Variants in CYRIB observed in about 807,000 individuals in gnomAD.
CYRIB encodes the protein CYFIP-related Rac1 interactor B.
In CYRIB, 8 loss-of-function variants were observed where a neutral mutation model predicts 44.2. That is an observed-to-expected ratio of 0.18 (90% CI 0.11 to 0.33). The LOEUF is 0.33. Ranked by LOEUF, CYRIB falls within the 10% of genes least tolerant of loss-of-function variation. The pLI, the probability that CYRIB is intolerant of heterozygous loss-of-function variation, is 1.00. For synonymous variants in CYRIB, 131 were observed against 127.2 expected (o/e 1.03, Z -0.20); for missense variants, 185 against 382.8 (o/e 0.48, Z 4.31).
At chr8:129,949,344 C>T (rs983151439) in intron 2 of CYRIB, 2 of 152,142 alleles carry the variant, frequency 1.3e-5, no homozygotes, top group African/African-American at 4.8e-5. Context: ...ATCCTTACAA[C>T]ATTATGAAAG....
intron 1 of CYRIB, among the ~76,000 whole-genome samples, chr8:129,908,521 T>C (rs2076552472): frequency 6.6e-6 from 1 of 152,182 alleles, no homozygotes; most frequent in Non-Finnish European, 1.5e-5. Context: ...TATGCATCCT[T>C]TTCCTTTGTA....
At chr8:129,928,340 A>C (rs1356318086) in intron 1 of CYRIB, among the ~76,000 whole-genome samples, 1 of 151,496 alleles carries the variant, frequency 6.6e-6, no homozygotes, top group Admixed American at 6.6e-5. Flanking sequence ...AAAAAAAAAA[A>C]CACCATTAAG....
At position 129,885,857 on chromosome 8, in the gene CYRIB, A is replaced by T. The variant is rs181707517; in HGVS notation, c.-10-6386T>A. Among the ~76,000 whole-genome samples, 69 of 152,242 alleles carry T rather than the reference A, an allele frequency of 4.5e-4. No homozygotes were observed. In the South Asian group the frequency reaches 9.9e-3, roughly 22 times the overall value. On this transcript the variant is annotated intron_variant, in intron 2 of 11. Transcript: ENST00000519824. ...CATGATCTCTTAAAAAAAAAAGAAG[A>T]AGAAAACCACAAAAACCCAACAACC...
At chr8:129,894,733 T>A (rs193114289) in intron 2 of CYRIB, among the ~76,000 whole-genome samples, 1 of 152,092 alleles carries the variant, frequency 6.6e-6, no homozygotes, top group African/African-American at 2.4e-5. Context: ...AGCAGCATCA[T>A]AATTTCTTAT....
intron 1 of CYRIB, among the ~76,000 whole-genome samples, chr8:129,912,993 G>A (rs1476586429): frequency 5.4e-5 from 6 of 111,670 alleles, no homozygotes; most frequent in African/African-American, 9.9e-5. Context: ...TTTTTTTTGA[G>A]ACGGAGACTG....
At chr8:130,006,160 G>C (rs1177854601) in intron 1 of CYRIB, among the ~76,000 whole-genome samples, 1 of 151,630 alleles carries the variant, frequency 6.6e-6, no homozygotes, top group Non-Finnish European at 1.5e-5. Flanking sequence ...AAAATTAGCC[G>C]GGCATGGTGG....
At chr8:129,911,070 T>C (rs1278164872) in intron 1 of CYRIB, among the ~76,000 whole-genome samples, 2 of 152,214 alleles carry the variant, frequency 1.3e-5, no homozygotes, top group Non-Finnish European at 2.9e-5. Context: ...AGGAAATAAC[T>C]ATCAAATCTG....
At chr8:129,861,989 T>C (rs1421982545) in intron 5 of CYRIB, among the ~76,000 whole-genome samples, 1 of 152,154 alleles carries the variant, frequency 6.6e-6, no homozygotes, top group Non-Finnish European at 1.5e-5. Context: ...CTCAGATTCA[T>C]GTATGTAAAA....
chr8:129,848,819 G>A (rs963692011), intron 10 of CYRIB, among the ~76,000 whole-genome samples: 1 of 151,284 alleles, frequency 6.6e-6, no homozygotes, highest in Non-Finnish European at 1.5e-5. Context: ...TGATCCTCCT[G>A]CTTCAGCCTG....
chr8:129,843,617 G>C (rs1185354809), intron 11 of CYRIB, among the ~76,000 whole-genome samples: 2 of 152,170 alleles, frequency 1.3e-5, no homozygotes, highest in Admixed American at 1.3e-4. Context: ...ACCCCGGTTG[G>C]CCTTCAATTC....
intron 2 of CYRIB, among the ~76,000 whole-genome samples, chr8:129,961,273 T>A: frequency 6.6e-6 from 1 of 152,172 alleles, no homozygotes; most frequent in East Asian, 1.9e-4. Context: ...CTTCATTCCA[T>A]GGGTTCTGCT....
intron 2 of CYRIB, among the ~76,000 whole-genome samples, chr8:129,955,729 T>G (rs561489548): frequency 1.3e-5 from 2 of 152,304 alleles, no homozygotes; most frequent in South Asian, 4.1e-4. Context: ...TCTGATTCCT[T>G]GAGACACATA....
chr8:129,938,015 T>C (rs921864122), intron 1 of CYRIB, among the ~76,000 whole-genome samples: 2 of 151,984 alleles, frequency 1.3e-5, no homozygotes, highest in African/African-American at 4.8e-5. Context: ...TGTTAGAAAA[T>C]GCTGCCATAA....
At chr8:130,007,946 C>G (rs540480189) in intron 1 of CYRIB, among the ~76,000 whole-genome samples, 53 of 152,230 alleles carry the variant, frequency 3.5e-4, no homozygotes, top group African/African-American at 1.2e-3. Flanking sequence ...TGGTGGCTCA[C>G]GCCTGTAATC....
intron 1 of CYRIB, among the ~76,000 whole-genome samples, chr8:130,014,020 C>T (rs2097285914): frequency 6.6e-6 from 1 of 152,148 alleles, no homozygotes; most frequent in African/African-American, 2.4e-5. Context: ...AGGCAAGGAC[C>T]CTCAATCTGC....
At chr8:129,933,830 C>T (rs907690835) in intron 1 of CYRIB, among the ~76,000 whole-genome samples, 13 of 151,526 alleles carry the variant, frequency 8.6e-5, no homozygotes, top group South Asian at 2.1e-4. Context: ...GCCAAGATTG[C>T]GTCATTGCAC....
intron 1 of CYRIB, among the ~76,000 whole-genome samples, chr8:129,973,657 G>A (rs186840668): frequency 1.3e-5 from 2 of 152,288 alleles, no homozygotes; most frequent in African/African-American, 2.4e-5. Flanking sequence ...TCAGGGAAGG[G>A]AGCTGTCCTC....
At chr8:129,982,152 A>C (rs990890387) in intron 1 of CYRIB, among the ~76,000 whole-genome samples, 5 of 152,198 alleles carry the variant, frequency 3.3e-5, no homozygotes, top group African/African-American at 1.2e-4. Context: ...TGGTAGCGAC[A>C]TTAACAGGAT....
intron 2 of CYRIB, among the ~76,000 whole-genome samples, chr8:129,956,674 C>G (rs150776972): frequency 6.6e-6 from 1 of 152,238 alleles, no homozygotes; most frequent in East Asian, 1.9e-4. Context: ...CTAATGAAAA[C>G]CAATTGATCA....
Sources: allele counts gnomAD v4.1 joint callset (sites outside exome capture counted in the v4.1 genomes callset), GRCh38; gene constraint gnomAD v4.1.1; transcripts MANE v1.5; gene names NCBI Gene and HGNC (gene_info 2026-07-23, HGNC 2026-07-21).